The following CCDC152 variants were observed in gnomAD, a reference collection of about 807,000 sequenced individuals.
CCDC152 encodes coiled-coil domain containing 152.
A neutral mutation model predicts 38.1 loss-of-function variants in CCDC152; 37 were observed. The observed-to-expected ratio is 0.97, with a 90% CI of 0.75 to 1.28. The LOEUF (loss-of-function observed/expected upper bound fraction) is 1.28, where lower values mean the gene tolerates loss of function less well. CCDC152 is among the 50% of genes most tolerant of loss of function. The pLI is 0.00. For synonymous variants in CCDC152, 83 were observed against 87.1 expected, an observed-to-expected ratio of 0.95 and a Z score of 0.26; for missense variants, 259 against 292.1, an observed-to-expected ratio of 0.89 and a Z score of 0.83.
chr5:42,759,027 T>G, intron 1 of CCDC152, 93 bp from the exon 2 acceptor site: 1 of 876,124 alleles, frequency 1.1e-6, no homozygotes, highest in Non-Finnish European at 1.7e-6. Context: ...ATGAGTTGAA[T>G]ATAGAAATGT....
rs1276868678 is a variant in CCDC152 at position 42,791,519 on chromosome 5, TG to T, written c.431-5309del. Among the ~76,000 whole-genome samples, 3 of 152,364 alleles carry T rather than the reference TG, an allele frequency of 2.0e-5. No individual in the cohort carries two copies. In the East Asian group the frequency reaches 5.8e-4, roughly 29 times the overall value. On this transcript the variant is annotated intron_variant, in intron 6 of 8. Transcript: ENST00000361970. ...CATTTCTGGTGGCCTTGGCTAATAA[TG>T]TGTCTTCTGGGCCCTCCTGAAGAAC...
Position 42,800,000 on chromosome 5 carries a change from C to T in CCDC152, c.*219C>T. ...GGTCAGGTTTATAGGGTTTGGTTTA[C>T]CTATTAAACCATCATTGACTATGGA... is the stretch of plus-strand genomic sequence containing the variant. On this transcript the variant is annotated 3_prime_UTR_variant, in exon 9 of 9. Coordinates refer to ENST00000361970, the MANE Select transcript of CCDC152 (RefSeq NM_001134848.2). 2.0e-6 allele frequency: 1 copy of T among 490,650 alleles called. No individual in the cohort carries two copies. Among genetic ancestry groups the T allele is most frequent in the Admixed American group, 3.9e-5 (1 of 25,612 alleles). The allele number at this position is 490,650 out of a possible 1,614,324, so 30.4% of individuals were successfully genotyped here.
chr5:42,800,875 G>C lies in CCDC152; in HGVS notation c.*1094G>C, dbSNP rs1022036425. ...ATGTTCTCCTCTGCCCGAAGTCCCT[G>C]TCAGCTACATAAAGATGGGAGGTTT... On this transcript the variant is annotated 3_prime_UTR_variant, in exon 9 of 9. Coordinates refer to ENST00000361970, the MANE Select transcript of CCDC152 (RefSeq NM_001134848.2). The C allele has an allele frequency of 6.2e-7, 1 of 1,614,026 alleles. No individual in the cohort carries two copies. Among genetic ancestry groups the C allele is most frequent in the Non-Finnish European group, 8.5e-7 (1 of 1,180,038 alleles).
chr5:42,797,861 G>C (rs1381972933), intron 7 of CCDC152, among the ~76,000 whole-genome samples: 1 of 151,882 alleles, frequency 6.6e-6, no homozygotes, highest in African/African-American at 2.4e-5. Flanking sequence ...CAAAAGTCTT[G>C]AGTAGGCCGG....
At chr5:42,769,408 G>GC (rs1027441345) in intron 3 of CCDC152, among the ~76,000 whole-genome samples, 189 bp from the exon 4 acceptor site, 1 of 151,836 alleles carries the variant, frequency 6.6e-6, no homozygotes, top group African/African-American at 2.4e-5. Context: ...CATGAGCATA[G>GC]CCCCCTGCAG....
chr5:42,766,478 T>A (rs1344120159), intron 3 of CCDC152, among the ~76,000 whole-genome samples: 1 of 152,184 alleles, frequency 6.6e-6, no homozygotes, highest in Non-Finnish European at 1.5e-5. Flanking sequence ...GTTGCAGCAC[T>A]GATTACAATA....
chr5:42,767,443 C>T (rs1326228936), intron 3 of CCDC152, among the ~76,000 whole-genome samples: 1 of 152,018 alleles, frequency 6.6e-6, no homozygotes, highest in African/African-American at 2.4e-5. Context: ...CACATTTGAG[C>T]TCAAAATGAT....
intron 6 of CCDC152, among the ~76,000 whole-genome samples, chr5:42,791,272 G>A (rs1222331610): frequency 6.6e-6 from 1 of 152,004 alleles, no homozygotes; most frequent in Non-Finnish European, 1.5e-5. Context: ...AGTCTTTTTG[G>A]CTGCTCTCCA....
In CCDC152 at chr5:42,801,570, T is replaced by C. The variant is rs576370407; in HGVS notation, c.*1789T>C. On this transcript the variant is annotated 3_prime_UTR_variant, in exon 9 of 9. Transcript: ENST00000361970. ...ATTTGCAGAAGCAAATGAAGTAAACTGGCAAAAGGAACTTGGATTGCAGGA... is the reference window on the plus strand; with the variant it reads ...ATTTGCAGAAGCAAATGAAGTAAACCGGCAAAAGGAACTTGGATTGCAGGA... The C allele has an allele frequency of 6.7e-5, 31 of 460,824 alleles. No individual in the cohort carries two copies. In the Admixed American group the frequency reaches 7.0e-4, roughly 10 times the overall value. The allele number at this position is 460,824 out of a possible 1,614,324, so 28.5% of individuals were successfully genotyped here. A position where few individuals can be genotyped will look rare whatever the true frequency, so the allele number is the denominator to read the frequency against.
chr5:42,765,148 T>G (rs573789058), intron 3 of CCDC152, among the ~76,000 whole-genome samples: 1 of 152,028 alleles, frequency 6.6e-6, no homozygotes, highest in East Asian at 1.9e-4. Context: ...AAATAGAAAT[T>G]TAAAAAGTAA....
intron 5 of CCDC152, among the ~76,000 whole-genome samples, chr5:42,781,081 C>G (rs1177743299): frequency 6.6e-6 from 1 of 152,188 alleles, no homozygotes; most frequent in Non-Finnish European, 1.5e-5. Context: ...ACCGAATTAA[C>G]TGGCAGCATT....
intron 6 of CCDC152, 130 bp from the exon 7 acceptor site, chr5:42,796,699 C>A (rs1024395554): frequency 3.2e-6 from 2 of 624,864 alleles, no homozygotes; most frequent in Non-Finnish European, 5.0e-6. Context: ...TATACCTACA[C>A]CATTTCTAAA....
rs368371360 is a variant in CCDC152 at position 42,800,089 on chromosome 5, C to G, written c.*308C>G. 3.4e-4 allele frequency: 80 copies of G among 233,158 alleles called. 1 individual carries two copies. In the South Asian group the frequency reaches 6.9e-3, roughly 20 times the overall value. The allele number at this position is 233,158 out of a possible 1,614,324, so 14.4% of individuals were successfully genotyped here. On this transcript the variant is annotated 3_prime_UTR_variant, in exon 9 of 9. Transcript: ENST00000361970. ...TTTCCCCTTATATCTTTTAAGACAG[C>G]CACTCAAGTTTTAGAAGAGTATGAT...
At chr5:42,795,622 A>T (rs1211885342) in intron 6 of CCDC152, among the ~76,000 whole-genome samples, 1 of 152,230 alleles carries the variant, frequency 6.6e-6, no homozygotes, top group Admixed American at 6.5e-5. Context: ...CATATCATAA[A>T]TGAAAAAGTA....
At chr5:42,788,526 C>G (rs960413705) in intron 6 of CCDC152, among the ~76,000 whole-genome samples, 1 of 152,066 alleles carries the variant, frequency 6.6e-6, no homozygotes, top group African/African-American at 2.4e-5. Context: ...TCCCAAAGTG[C>G]TGGGATTACA....
chr5:42,783,164 CA>C (rs1364326927), intron 5 of CCDC152, among the ~76,000 whole-genome samples: 1 of 151,960 alleles, frequency 6.6e-6, no homozygotes, highest in African/African-American at 2.4e-5. Context: ...GCCACCACAC[CA>C]GGCCAAAAAT....
At chr5:42,759,307 G>T (rs1265126444) in intron 2 of CCDC152, 99 bp downstream of exon 2, 3 of 611,530 alleles carry the variant, frequency 4.9e-6, no homozygotes, top group South Asian at 2.5e-5. Context: ...ACCAAAAAAT[G>T]ATCAAGATAA....
intron 6 of CCDC152, among the ~76,000 whole-genome samples, chr5:42,792,485 T>C (rs13171019): frequency 0.12 from 17,998 of 152,230 alleles, 1,416 homozygotes; most frequent in Non-Finnish European, 0.16. Context: ...ATATTTCAAA[T>C]GTCTTAATGA....
chr5:42,771,926 C>T lies in CCDC152; in HGVS notation c.262+2261C>T, dbSNP rs185848248. On this transcript the variant is annotated intron_variant, in intron 4 of 8. Coordinates refer to ENST00000361970, the MANE Select transcript of CCDC152 (RefSeq NM_001134848.2). ...CTCATCCTATGAGGCCAGCATCACC[C>T]GGACACCAAAATCAGACAAAGACAC... Among the ~76,000 whole-genome samples the T allele has an allele frequency of 3.3e-5, 5 of 152,232 alleles. No homozygotes were observed. In the South Asian group the frequency reaches 6.2e-4, roughly 19 times the overall value.
Sources: gnomAD v4.1 joint callset for allele counts (sites outside exome capture counted in the v4.1 genomes callset) on GRCh38, gnomAD v4.1.1 for gene constraint, MANE v1.5 for transcripts, NCBI Gene and HGNC (gene_info 2026-07-23, HGNC 2026-07-21) for gene names.